Variants in SMC5 observed in about 807,000 individuals in gnomAD.
SMC5 encodes the protein structural maintenance of chromosomes protein 5.
SMC5 carries 88 observed loss-of-function variants against 148.3 expected under a neutral mutation model. That is an observed-to-expected ratio of 0.59 (90% CI 0.50 to 0.71). The LOEUF is 0.71. Among genes scored for constraint, SMC5 ranks in the 30% least tolerant of loss-of-function variants. The pLI is 0.00. For missense variants in SMC5, 1,142 were observed against 1,298.9 expected (o/e 0.88, Z 1.86); for synonymous variants, 421 against 432.8 (o/e 0.97, Z 0.34).
intron 11 of SMC5, among the ~76,000 whole-genome samples, chr9:70,313,890 A>G (rs1175681194): frequency 2.0e-5 from 3 of 152,158 alleles, no homozygotes; most frequent in Admixed American, 2.0e-4. Flanking sequence ...AAGAGACTAG[A>G]AGGCAGTTAA....
At chr9:70,281,938 G>C (rs900090770) in intron 6 of SMC5, among the ~76,000 whole-genome samples, 1 of 149,014 alleles carries the variant, frequency 6.7e-6, no homozygotes, top group African/African-American at 2.5e-5. Flanking sequence ...TTGCCTTAGT[G>C]TGCCACTTAA....
rs552813180 is a variant in SMC5 at position 70,322,138 on chromosome 9, T to C, written c.2151-1345T>C. ...CAAACAATTGCCCATTAACTTCTAT[T>C]TTTAAAATTGGTAATGTGCCTTGGT... On this transcript the variant is annotated intron_variant, in intron 15 of 24. Coordinates refer to ENST00000361138, the MANE Select transcript of SMC5 (RefSeq NM_015110.4). Among the ~76,000 whole-genome samples the C allele has an allele frequency of 3.3e-5, 5 of 152,332 alleles. No individual in the cohort carries two copies. The South Asian group carries it at 1.0e-3, about 32-fold the overall frequency.
At chr9:70,282,280 G>A in intron 6 of SMC5, 142 bp from the exon 7 acceptor site, 1 of 738,706 alleles carries the variant, frequency 1.4e-6, no homozygotes, top group East Asian at 3.3e-5. Flanking sequence ...AGTTGTCCCA[G>A]AGGACAAATT....
chr9:70,286,173 C>T, intron 7 of SMC5, 27 bp from the exon 8 acceptor site: 4 of 1,368,160 alleles, frequency 2.9e-6, no homozygotes, highest in Non-Finnish European at 4.1e-6. Flanking sequence ...CTAGCTGTCC[C>T]CCCCTCTCCC....
intron 17 of SMC5, among the ~76,000 whole-genome samples, chr9:70,332,625 A>G (rs1367757695): frequency 6.6e-6 from 1 of 152,120 alleles, no homozygotes; most frequent in Admixed American, 6.5e-5. Context: ...TGAGGCCAGC[A>G]TTACCTGATA....
intron 11 of SMC5, 53 bp downstream of exon 11, chr9:70,305,413 C>T: frequency 3.7e-6 from 4 of 1,093,126 alleles, no homozygotes; most frequent in Non-Finnish European, 5.5e-6. Context: ...ACTTTCAGCA[C>T]TTGAAGTTTT....
intron 17 of SMC5, among the ~76,000 whole-genome samples, chr9:70,328,191 T>G (rs1314611157): frequency 6.6e-6 from 1 of 152,138 alleles, no homozygotes; most frequent in African/African-American, 2.4e-5. Flanking sequence ...TCCGAAATCT[T>G]GTGTCCTTTT....
chr9:70,333,856 T>C (rs374105772), intron 17 of SMC5, among the ~76,000 whole-genome samples: 6 of 151,062 alleles, frequency 4.0e-5, no homozygotes, highest in Admixed American at 2.7e-4. Context: ...GGATCAAAAA[T>C]TCAGGATTTC....
chr9:70,334,626 T>A (rs2036312093), intron 17 of SMC5, among the ~76,000 whole-genome samples: 1 of 151,592 alleles, frequency 6.6e-6, no homozygotes. Flanking sequence ...AGAGAGAGAG[T>A]GTGTGTATGT....
At chr9:70,309,318 CTTTTTTTTTTTTTTTT>C (rs59694037) in intron 11 of SMC5, among the ~76,000 whole-genome samples, 51 of 79,156 alleles carry the variant, frequency 6.4e-4, no homozygotes, top group Admixed American at 1.3e-3. Context: ...TTTCCTTTTC[CTTTTTTTTTTTTTTTT>C]TTTTTTTTTT....
intron 10 of SMC5, 25 bp from the exon 11 acceptor site, chr9:70,305,222 G>T: frequency 9.4e-7 from 1 of 1,069,158 alleles, no homozygotes; most frequent in South Asian, 1.6e-5. Flanking sequence ...CATGAAATTC[G>T]ACCTTTTTTT....
chr9:70,335,145 T>A (rs1017745099), intron 17 of SMC5, among the ~76,000 whole-genome samples: 3 of 152,180 alleles, frequency 2.0e-5, no homozygotes, highest in Non-Finnish European at 2.9e-5. Context: ...AAAGAATATG[T>A]CTATGAAAGA....
chr9:70,297,549 G>A (rs965957314), intron 8 of SMC5, among the ~76,000 whole-genome samples: 5 of 152,172 alleles, frequency 3.3e-5, no homozygotes, highest in Non-Finnish European at 5.9e-5. Flanking sequence ...TATTCAACCT[G>A]TAATAGGGTG....
Position 70,269,439 on chromosome 9 carries a change from A to C in SMC5, c.380+1464A>C, listed in dbSNP as rs150177349. On this transcript the variant is annotated intron_variant, in intron 3 of 24. Coordinates refer to ENST00000361138, the MANE Select transcript of SMC5 (RefSeq NM_015110.4). Reference sequence around the variant, plus strand: ...TCTACAAAAAATACAAAAATTAGCCAGGCCTGGCTGCGCACCTGTAGTCCT... The same window carrying C: ...TCTACAAAAAATACAAAAATTAGCCCGGCCTGGCTGCGCACCTGTAGTCCT... 2.2e-3 allele frequency among the ~76,000 whole-genome samples: 332 copies of C among 152,102 alleles called. 2 individuals are homozygous for C. The highest frequency in any genetic ancestry group is 7.7e-3 in the African/African-American group (320 of 41,502).
chr9:70,284,522 C>T (rs1405101815), intron 7 of SMC5, among the ~76,000 whole-genome samples: 2 of 152,102 alleles, frequency 1.3e-5, no homozygotes, highest in African/African-American at 2.4e-5. Flanking sequence ...TTTTCTGTTA[C>T]TGTAAAACTA....
At chr9:70,296,676 A>C (rs1311565628) in intron 8 of SMC5, among the ~76,000 whole-genome samples, 1 of 152,214 alleles carries the variant, frequency 6.6e-6, no homozygotes, top group South Asian at 2.1e-4. Context: ...AGAGGAGTAA[A>C]TCTGACTTGG....
intron 1 of SMC5, among the ~76,000 whole-genome samples, chr9:70,259,788 C>A (rs1383600311): frequency 6.6e-6 from 1 of 152,130 alleles, no homozygotes. Context: ...TCCCTACAAA[C>A]CCTTGACCCC....
At chr9:70,349,041 G>A (rs2036739282) in intron 22 of SMC5, among the ~76,000 whole-genome samples, 1 of 150,922 alleles carries the variant, frequency 6.6e-6, no homozygotes, top group Non-Finnish European at 1.5e-5. Flanking sequence ...TCAATTAATA[G>A]ATAACCTTTA....
chr9:70,319,100 A>C, intron 15 of SMC5, 137 bp downstream of exon 15: 1 of 801,496 alleles, frequency 1.2e-6, no homozygotes, highest in Non-Finnish European at 1.8e-6. Flanking sequence ...TTACTGCATA[A>C]AACACAATTT....
Sources: allele counts gnomAD v4.1 joint callset (sites outside exome capture counted in the v4.1 genomes callset), GRCh38; gene constraint gnomAD v4.1.1; transcripts MANE v1.5; gene names NCBI Gene and HGNC (gene_info 2026-07-23, HGNC 2026-07-21).